The following FER1L6 variants were observed in gnomAD, a reference collection of about 807,000 sequenced individuals.
The protein encoded by FER1L6 is fer-1 like family member 6, also known as fer-1-like protein 6.
FER1L6 carries 177 observed loss-of-function variants against 219.2 expected under a neutral mutation model. The observed-to-expected ratio is 0.81, with a 90% CI of 0.71 to 0.91. The LOEUF (loss-of-function observed/expected upper bound fraction) is 0.91. Among genes scored for constraint, FER1L6 ranks in the 40% least tolerant of loss-of-function variants. The pLI, the probability that FER1L6 is intolerant of heterozygous loss-of-function variation, is 0.00. For missense variants in FER1L6, 2,153 were observed against 2,259.9 expected, an observed-to-expected ratio of 0.95 and a Z score of 0.96; for synonymous variants, 768 against 824.3, an observed-to-expected ratio of 0.93 and a Z score of 1.17.
At chr8:123,897,206 T>C (rs1812761518) in intron 1 of FER1L6, among the ~76,000 whole-genome samples, 1 of 152,166 alleles carries the variant, frequency 6.6e-6, no homozygotes, top group Non-Finnish European at 1.5e-5. Flanking sequence ...TCCTACTCAG[T>C]CCCTTGTTTT....
rs189431256 is a variant in FER1L6, at chr8:123,914,324, T to C, written c.-7-41668T>C. Among the ~76,000 whole-genome samples the C allele has an allele frequency of 7.5e-3, 1,144 of 152,292 alleles. 17 individuals are homozygous for C. The highest frequency in any genetic ancestry group is 0.026 in the African/African-American group (1,089 of 41,566). On this transcript the variant is annotated intron_variant, in intron 1 of 40. Coordinates refer to ENST00000522917, the MANE Select transcript of FER1L6 (RefSeq NM_001039112.2). ...ATGATGTTTTTAGAAGAATATGAGA[T>C]TGAGCCTGAAAGCATTTAGCTTTTG...
At chr8:123,944,059 T>C (rs1368132903) in intron 1 of FER1L6, among the ~76,000 whole-genome samples, 1 of 152,040 alleles carries the variant, frequency 6.6e-6, no homozygotes, top group Non-Finnish European at 1.5e-5. Flanking sequence ...CTTAACCTTT[T>C]AGACTACAAT....
chr8:124,049,005 T>C (rs150198338), intron 21 of FER1L6, among the ~76,000 whole-genome samples: 2 of 152,272 alleles, frequency 1.3e-5, no homozygotes, highest in African/African-American at 4.8e-5. Context: ...TAAGATAGCT[T>C]TGGGCCAGAA....
Position 124,118,955 on chromosome 8 carries a change from T to A in FER1L6, c.5390+11T>A. ...CCTGGCCAAGCCCAAGTGAGTGGAG[T>A]TGCTAGTGGGAACATCAGAAATGGG... On this transcript the variant is annotated intron_variant, in intron 40 of 40. Coordinates refer to ENST00000522917, the MANE Select transcript of FER1L6 (RefSeq NM_001039112.2). 1 of 1,593,582 alleles carries A rather than the reference T, an allele frequency of 6.3e-7. No individual in the cohort carries two copies. Among genetic ancestry groups the A allele is most frequent in the Non-Finnish European group, 8.5e-7 (1 of 1,175,006 alleles).
chr8:123,984,611 TAGTC>T (rs1218530179), intron 11 of FER1L6: 1 of 152,112 alleles, frequency 6.6e-6, no homozygotes, highest in African/African-American at 2.4e-5. Flanking sequence ...GGCTAGTTAA[TAGTC>T]AGTGGATAGA....
intron 1 of FER1L6, among the ~76,000 whole-genome samples, chr8:123,864,458 T>C (rs1816796511): frequency 6.6e-6 from 1 of 150,782 alleles, no homozygotes; most frequent in South Asian, 2.1e-4. Context: ...TTATGTGTCT[T>C]GGAAAGTTGC....
At chr8:124,115,760 T>C (rs1823220907) in intron 39 of FER1L6, among the ~76,000 whole-genome samples, 1 of 152,230 alleles carries the variant, frequency 6.6e-6, no homozygotes, top group Non-Finnish European at 1.5e-5. Flanking sequence ...ATGCTGTTAA[T>C]AGCCTCAGTA....
At chr8:123,901,534 G>C (rs916264698) in intron 1 of FER1L6, among the ~76,000 whole-genome samples, 4 of 61,050 alleles carry the variant, frequency 6.6e-5, no homozygotes, top group Non-Finnish European at 1.4e-4. Context: ...TTCTTCTGCT[G>C]GGTTTGGGTT....
rs2130233440 is a variant in FER1L6, at chr8:123,853,483, C to T, written c.-8+1298C>T. ...AATAGAAGAAATCATTTTTATTCAA[C>T]AGTTCTTAGAAAGGTCTTAATGAGG... On this transcript the variant is annotated intron_variant, in intron 1 of 40. Coordinates refer to ENST00000522917, the MANE Select transcript of FER1L6 (RefSeq NM_001039112.2). This position sits in a 1 kb window ranked among gnomAD's most constrained non-coding sequence, Gnocchi z 6.6. Among the ~76,000 whole-genome samples the T allele has an allele frequency of 6.6e-6, 1 of 152,270 alleles. No homozygotes were observed. The highest frequency in any genetic ancestry group is 1.9e-4 in the East Asian group (1 of 5,186).
chr8:124,003,793 A>G (rs1817533378), intron 13 of FER1L6, among the ~76,000 whole-genome samples: 1 of 152,022 alleles, frequency 6.6e-6, no homozygotes, highest in Non-Finnish European at 1.5e-5. Context: ...AATCTCAGCT[A>G]TGAGAACAAG....
At position 123,891,675 on chromosome 8, in the gene FER1L6, A is replaced by C. The variant is rs537708978; in HGVS notation, c.-8+39490A>C. Among the ~76,000 whole-genome samples, 4 of 152,354 alleles carry C rather than the reference A, an allele frequency of 2.6e-5. No homozygotes were observed. The South Asian group carries it at 8.3e-4, about 32-fold the overall frequency. The stretch of plus-strand genomic sequence containing the variant: ...TGTAGTATCAATATTCCATTAACAA[A>C]TCCTTGTGCTGTTAAATTACAGGGC... On this transcript the variant is annotated intron_variant, in intron 1 of 40. Coordinates refer to ENST00000522917, the MANE Select transcript of FER1L6 (RefSeq NM_001039112.2).
At chr8:123,923,455 T>C (rs1335477878) in intron 1 of FER1L6, among the ~76,000 whole-genome samples, 1 of 152,202 alleles carries the variant, frequency 6.6e-6, no homozygotes, top group Non-Finnish European at 1.5e-5. Context: ...ATAGTTCAAC[T>C]CAATGTCATG....
At chr8:124,012,690 G>A (rs896290604) in intron 14 of FER1L6, among the ~76,000 whole-genome samples, 2 of 152,216 alleles carry the variant, frequency 1.3e-5, no homozygotes, top group Non-Finnish European at 2.9e-5. Flanking sequence ...TGACTCTGGA[G>A]CCCAAATCCT....
chr8:124,118,967 A>G (rs887884748), intron 40 of FER1L6, 23 bp downstream of exon 40: 7 of 1,590,282 alleles, frequency 4.4e-6, no homozygotes, highest in Non-Finnish European at 5.2e-6. Context: ...GCTAGTGGGA[A>G]CATCAGAAAT....
rs551207359 is a variant in FER1L6, at chr8:124,112,123, G to A, written c.5290-6721G>A. ...ATAAAATCACTAGGTTAGACTGGGT[G>A]CCTCCAACATGCATGTCCAGCCTAG... On this transcript the variant is annotated intron_variant, in intron 39 of 40. Transcript: ENST00000522917. Among the ~76,000 whole-genome samples the A allele has an allele frequency of 2.0e-5, 3 of 152,294 alleles. No individual in the cohort carries two copies. The East Asian group carries it at 5.8e-4, about 29-fold the overall frequency.
intron 15 of FER1L6, among the ~76,000 whole-genome samples, chr8:124,013,879 A>T (rs1818061225): frequency 6.6e-6 from 1 of 152,184 alleles, no homozygotes; most frequent in Non-Finnish European, 1.5e-5. Context: ...CAGAAGAATA[A>T]GCTATTAATA....
intron 1 of FER1L6, among the ~76,000 whole-genome samples, chr8:123,928,877 AT>A (rs2129901548): frequency 1.3e-5 from 2 of 152,298 alleles, no homozygotes; most frequent in African/African-American, 4.8e-5. Context: ...TTAAACTGAT[AT>A]GCTGTTGAGA....
intron 2 of FER1L6, among the ~76,000 whole-genome samples, chr8:123,957,195 C>G (rs1815060703): frequency 6.6e-6 from 1 of 152,244 alleles, no homozygotes; most frequent in Non-Finnish European, 1.5e-5. Context: ...ACTCCTTGCC[C>G]TTAGGTAGAA....
At chr8:123,974,953 G>T (rs1044394670) in intron 7 of FER1L6, among the ~76,000 whole-genome samples, 197 bp from the exon 8 acceptor site, 1 of 152,122 alleles carries the variant, frequency 6.6e-6, no homozygotes, top group Non-Finnish European at 1.5e-5. Flanking sequence ...GGGAAAAGAT[G>T]GAGAACTGGT....
Sources: gnomAD v4.1 joint callset for allele counts (sites outside exome capture counted in the v4.1 genomes callset) on GRCh38, gnomAD v4.1.1 for gene constraint, Gnocchi (gnomAD v3.1) non-coding constraint, MANE v1.5 for transcripts, NCBI Gene and HGNC (gene_info 2026-07-23, HGNC 2026-07-21) for gene names.